The following KPNA3 variants were observed in gnomAD, a reference collection of about 807,000 sequenced individuals.
The protein encoded by KPNA3 is importin subunit alpha-4.
In KPNA3, 13 loss-of-function variants were observed where a neutral mutation model predicts 73.8. The observed-to-expected ratio is 0.18, with a 90% CI of 0.11 to 0.28. The LOEUF is 0.28. KPNA3 is among the 10% of genes least tolerant of loss of function. The pLI, the probability that KPNA3 is intolerant of heterozygous loss-of-function variation, is 1.00. For missense variants in KPNA3, 360 were observed against 618.1 expected (o/e 0.58, Z 4.43); for synonymous variants, 186 against 206.9 (o/e 0.90, Z 0.87).
chr13:49,704,429 AATAAAAAATAAAT>A (rs1329604023), intron 15 of KPNA3, among the ~76,000 whole-genome samples: 3 of 85,618 alleles, frequency 3.5e-5, no homozygotes, highest in Non-Finnish European at 7.5e-5. Context: ...AAAATAAATA[AATAAAAAATAAAT>A]AAATAAATAA....
intron 10 of KPNA3, among the ~76,000 whole-genome samples, chr13:49,718,417 C>T (rs1954324929): frequency 2.0e-5 from 3 of 152,122 alleles, no homozygotes; most frequent in African/African-American, 7.2e-5. Context: ...CAGTACACTG[C>T]CACTTTAATA....
chr13:49,704,239 C>T (rs1361685998), intron 15 of KPNA3, among the ~76,000 whole-genome samples: 7 of 151,792 alleles, frequency 4.6e-5, no homozygotes, highest in Non-Finnish European at 8.8e-5. Flanking sequence ...CTGACCAACA[C>T]GGAGAAACCC....
In KPNA3 at chr13:49,700,613, T is replaced by C. The variant is rs1014480721; in HGVS notation, c.*1187A>G. On this transcript the variant is annotated 3_prime_UTR_variant, in exon 17 of 17. Transcript: ENST00000261667. Reference sequence around the variant, plus strand: ...ATCTTTTAATATGTGAAGATGCTTTTTGAGTAGGATCTGAATTAACTTTCC... The same window carrying C: ...ATCTTTTAATATGTGAAGATGCTTTCTGAGTAGGATCTGAATTAACTTTCC... The C allele has an allele frequency of 9.8e-5, 15 of 152,678 alleles. 1 individual carries two copies. The highest frequency in any genetic ancestry group is 9.8e-4 in the Admixed American group (15 of 15,286). 9.5% of individuals were successfully genotyped at this position (152,678 alleles called of 1,614,324 possible). A position where few individuals can be genotyped will look rare whatever the true frequency, so the allele number is the denominator to read the frequency against.
intron 1 of KPNA3, among the ~76,000 whole-genome samples, chr13:49,773,098 T>A (rs1954868463): frequency 2.0e-5 from 3 of 152,172 alleles, no homozygotes; most frequent in Non-Finnish European, 4.4e-5. Flanking sequence ...TATTAAGTTT[T>A]AAAAAAATCA....
At chr13:49,722,412 G>A in intron 8 of KPNA3, 65 bp downstream of exon 8, 3 of 1,052,516 alleles carry the variant, frequency 2.9e-6, no homozygotes, top group Non-Finnish European at 4.4e-6. Context: ...AGTATGTAAT[G>A]GCTATGCCAA....
chr13:49,789,689 C>T (rs1234077743), intron 1 of KPNA3, among the ~76,000 whole-genome samples: 1 of 152,190 alleles, frequency 6.6e-6, no homozygotes, highest in Admixed American at 6.5e-5. Context: ...TGGTTATCTA[C>T]TCTTAGATAT....
rs578238192 is a variant in KPNA3 at position 49,701,440 on chromosome 13, G to A, written c.*360C>T. On this transcript the variant is annotated 3_prime_UTR_variant, in exon 17 of 17. Transcript: ENST00000261667. Reference sequence around the variant, plus strand: ...ATACCAAAGTGTCTTGATCCACAGCGCACCATTTTCCAAAGGAGTATCAGT... The same window carrying A: ...ATACCAAAGTGTCTTGATCCACAGCACACCATTTTCCAAAGGAGTATCAGT... 17 of 475,062 alleles carry A rather than the reference G, an allele frequency of 3.6e-5. No individual in the cohort carries two copies. The East Asian group carries it at 8.8e-4, about 25-fold the overall frequency. The allele number at this position is 475,062 out of a possible 1,614,324, so 29.4% of individuals were successfully genotyped here.
intron 15 of KPNA3, among the ~76,000 whole-genome samples, chr13:49,704,012 C>CAATGCT (rs3064468): frequency 0.84 from 128,021 of 151,604 alleles, 54,293 homozygotes; most frequent in East Asian, 1. Flanking sequence ...AACCTGACTA[C>CAATGCT]AATTTTTAAT....
chr13:49,713,663 AC>A (rs1954280536), intron 10 of KPNA3, among the ~76,000 whole-genome samples: 4 of 151,670 alleles, frequency 2.6e-5, no homozygotes, highest in South Asian at 2.1e-4. Flanking sequence ...ACACACACAC[AC>A]ACACACACAC....
In KPNA3 at chr13:49,747,411, C is replaced by T. The variant is rs112288855; in HGVS notation, c.70-418G>A. 9.9e-3 allele frequency among the ~76,000 whole-genome samples: 1,512 copies of T among 152,056 alleles called. 28 individuals carry two copies. Among genetic ancestry groups the T allele is most frequent in the African/African-American group, 0.035 (1,443 of 41,482 alleles). On this transcript the variant is annotated intron_variant, in intron 1 of 16. Transcript: ENST00000261667. Reference sequence around the variant, plus strand: ...TGAGTTAGAAGTCATTTAATATTGGCTGGGTGCAGTGGCTCACACCTGTAA... The same window carrying T: ...TGAGTTAGAAGTCATTTAATATTGGTTGGGTGCAGTGGCTCACACCTGTAA...
intron 2 of KPNA3, among the ~76,000 whole-genome samples, chr13:49,742,117 C>G (rs1954579635): frequency 6.6e-6 from 1 of 152,110 alleles, no homozygotes; most frequent in Non-Finnish European, 1.5e-5. Context: ...TGTAGATAGC[C>G]AGTTTTTCCA....
At chr13:49,790,825 C>T (rs1018253636) in intron 1 of KPNA3, among the ~76,000 whole-genome samples, 3 of 152,108 alleles carry the variant, frequency 2.0e-5, no homozygotes, top group African/African-American at 7.2e-5. Flanking sequence ...TACCAATATC[C>T]GAGAGAAGAA....
intron 1 of KPNA3, among the ~76,000 whole-genome samples, chr13:49,771,343 A>G (rs1354597877): frequency 2.8e-4 from 42 of 152,222 alleles, no homozygotes; most frequent in Admixed American, 2.7e-3. Context: ...TTTTCAGCAT[A>G]CAAGTCTTAA....
rs776588128 is a variant in KPNA3 at position 49,706,088 on chromosome 13, T to G, written c.1209+10A>C. ...TAACAATCATGACAGTTACAGGTTT[T>G]CAAACTCACCTGATCTTTTCTGCCA... On this transcript the variant is annotated intron_variant, in intron 14 of 16. Transcript: ENST00000261667. 1.2e-4 allele frequency: 199 copies of G among 1,610,212 alleles called. No homozygotes were observed. Among genetic ancestry groups the G allele is most frequent in the Non-Finnish European group, 1.6e-4 (184 of 1,178,470 alleles).
intron 1 of KPNA3, among the ~76,000 whole-genome samples, chr13:49,784,137 T>C (rs1458475936): frequency 6.6e-6 from 1 of 152,114 alleles, no homozygotes; most frequent in Non-Finnish European, 1.5e-5. Flanking sequence ...TAGTCCTAGC[T>C]ACTCAAGACG....
Position 49,792,600 on chromosome 13 carries a change from A to AG in KPNA3, c.-95dup, listed in dbSNP as rs1304585409. ...GGAGGGGGAGGAGGGGGAGAGCGGGAGGGGGGAGGGGAGAGAAGAGCACGT... is the reference window on the plus strand; with the variant it reads ...GGAGGGGGAGGAGGGGGAGAGCGGGAGGGGGGGAGGGGAGAGAAGAGCACGT... On this transcript the variant is annotated 5_prime_UTR_variant, in exon 1 of 17. Transcript: ENST00000261667. The AG allele has an allele frequency of 7.3e-4, 26 of 35,794 alleles. No individual in the cohort carries two copies. The highest frequency in any genetic ancestry group is 2.8e-3 in the South Asian group (5 of 1,814). 2.2% of individuals were successfully genotyped at this position (35,794 alleles called of 1,614,324 possible). A position where few individuals can be genotyped will look rare whatever the true frequency, so the allele number is the denominator to read the frequency against.
At chr13:49,710,194 A>G (rs1303550339) in intron 11 of KPNA3, among the ~76,000 whole-genome samples, 1 of 152,222 alleles carries the variant, frequency 6.6e-6, no homozygotes, top group Non-Finnish European at 1.5e-5. Context: ...CCTGAGAGGC[A>G]GAGGCTGCGG....
chr13:49,731,209 GGACTATAGGCATGTGC>G (rs918175584), intron 6 of KPNA3, among the ~76,000 whole-genome samples: 1 of 151,214 alleles, frequency 6.6e-6, no homozygotes, highest in African/African-American at 2.4e-5. Context: ...CAAGTAGCTG[GGACTATAGGCATGTGC>G]CACCATGCCT....
At chr13:49,771,006 G>A (rs989791165) in intron 1 of KPNA3, among the ~76,000 whole-genome samples, 1 of 151,224 alleles carries the variant, frequency 6.6e-6, no homozygotes, top group Non-Finnish European at 1.5e-5. Flanking sequence ...TTCTGAAATT[G>A]CTAAATATAA....
Sources: allele counts gnomAD v4.1 joint callset (sites outside exome capture counted in the v4.1 genomes callset), GRCh38; gene constraint gnomAD v4.1.1; transcripts MANE v1.5; gene names NCBI Gene and HGNC (gene_info 2026-07-23, HGNC 2026-07-21).